USP36: variants seen among roughly 807,000 people sequenced by gnomAD.
USP36 encodes ubiquitin specific peptidase 36, also known as ubiquitin carboxyl-terminal hydrolase 36.
A neutral mutation model predicts 111.5 loss-of-function variants in USP36; 59 were observed. The observed-to-expected ratio is 0.53, with a 90% CI of 0.43 to 0.66. The LOEUF (loss-of-function observed/expected upper bound fraction) is 0.66, where lower values mean the gene tolerates loss of function less well. Ranked by LOEUF, USP36 falls within the 30% of genes least tolerant of loss-of-function variation. The probability of loss-of-function intolerance (pLI) is 0.00; values close to 1 mark genes in which losing one functional copy is unlikely to be tolerated. For synonymous variants in USP36, 628 were observed against 581.0 expected (o/e 1.08, Z -1.16); for missense variants, 1,488 against 1,468.0 (o/e 1.01, Z -0.22).
rs541228300 is a variant in USP36, at chr17:78,798,055, C to T, written c.*21-176G>A. The T allele has an allele frequency of 5.1e-5, 13 of 253,270 alleles. No homozygotes were observed. The South Asian group carries it at 8.9e-4, about 17-fold the overall frequency. 15.7% of individuals were successfully genotyped at this position (253,270 alleles called of 1,614,324 possible). On this transcript the variant is annotated intron_variant, in intron 20 of 20. Coordinates refer to ENST00000449938, the MANE Select transcript of USP36 (RefSeq NM_001385174.1). The surrounding 1 kb of genome is among the most constrained non-coding windows in gnomAD (Gnocchi z 5.1). Reference sequence around the variant, plus strand: ...ACATGCCAGATATACACACAACCCACATCCCACACACACCCCACACATGCC... The same window carrying T: ...ACATGCCAGATATACACACAACCCATATCCCACACACACCCCACACATGCC...
chr17:78,804,020 G>C (rs1328600264), intron 15 of USP36, 42 bp from the exon 16 acceptor site: 2 of 1,441,730 alleles, frequency 1.4e-6, no homozygotes, highest in African/African-American at 1.4e-5. Context: ...TGTTCTGAAA[G>C]ACCCAGCAGA....
At chr17:78,822,424 A>T (rs1599061110) in intron 6 of USP36, among the ~76,000 whole-genome samples, 1 of 137,346 alleles carries the variant, frequency 7.3e-6, no homozygotes, top group Admixed American at 7.1e-5. Context: ...CCACCCTTCC[A>T]CTTCTCTGCT....
intron 1 of USP36, among the ~76,000 whole-genome samples, chr17:78,840,136 A>G (rs1026876052): frequency 2.6e-5 from 4 of 152,078 alleles, no homozygotes; most frequent in South Asian, 2.1e-4. Flanking sequence ...CCTCTCCCCG[A>G]GCATGGCTCC....
Position 78,803,291 on chromosome 17 carries a change from C to A in USP36, c.2810+94G>T. ...TTTAGAAAACCACGCAAGCAGACTACGTTTCCAGACCATACCTACTTGGGG... is the reference window on the plus strand; with the variant it reads ...TTTAGAAAACCACGCAAGCAGACTAAGTTTCCAGACCATACCTACTTGGGG... On this transcript the variant is annotated intron_variant, in intron 16 of 20. Transcript: ENST00000449938. The surrounding 1 kb of genome is among the most constrained non-coding windows in gnomAD (Gnocchi z 4.6). The A allele has an allele frequency of 7.3e-7, 1 of 1,374,728 alleles. No individual in the cohort carries two copies. The highest frequency in any genetic ancestry group is 1.0e-6 in the Non-Finnish European group (1 of 999,584). The allele number at this position is 1,374,728 out of a possible 1,614,324, so 85.2% of individuals were successfully genotyped here. A position where few individuals can be genotyped will look rare whatever the true frequency, so the allele number is the denominator to read the frequency against.
downstream of USP36, among the ~76,000 whole-genome samples, chr17:78,795,009 GAAAAAAAA>G (rs78492260): frequency 2.6e-5 from 3 of 115,506 alleles, no homozygotes; most frequent in Non-Finnish European, 3.7e-5. The surrounding 1 kb of genome is among the most constrained non-coding windows in gnomAD (Gnocchi z 4.5). Flanking sequence ...CTCTGTTCGG[GAAAAAAAA>G]AAAAAAAAAA....
downstream of USP36, among the ~76,000 whole-genome samples, chr17:78,791,152 T>A (rs1239933233): frequency 7.0e-6 from 1 of 143,668 alleles, no homozygotes; most frequent in Non-Finnish European, 1.5e-5. Context: ...TTTTTTTTTT[T>A]AGCTGGAGTT....
At chr17:78,831,447 T>C (rs1404329908) in intron 4 of USP36, among the ~76,000 whole-genome samples, 3 of 151,442 alleles carry the variant, frequency 2.0e-5, no homozygotes, top group Non-Finnish European at 4.4e-5. Context: ...CCCCCATCTC[T>C]ACTAAAAATA....
At chr17:78,817,431 C>G (rs1236673451) in intron 10 of USP36, among the ~76,000 whole-genome samples, 1 of 152,184 alleles carries the variant, frequency 6.6e-6, no homozygotes, top group Non-Finnish European at 1.5e-5. Context: ...CATAACCAGG[C>G]TCTCAGAACA....
At chr17:78,835,099 A>G (rs1250981218) in intron 4 of USP36, among the ~76,000 whole-genome samples, 181 bp downstream of exon 4, 5 of 151,872 alleles carry the variant, frequency 3.3e-5, no homozygotes, top group African/African-American at 1.2e-4. Context: ...CACCTGACCG[A>G]TTCACCTTCA....
intron 4 of USP36, among the ~76,000 whole-genome samples, chr17:78,834,528 C>T (rs533722897): frequency 3.0e-4 from 45 of 152,162 alleles, no homozygotes; most frequent in East Asian, 3.9e-4. Flanking sequence ...CTCACTGCAA[C>T]CTCCACCTTC....
At chr17:78,801,062 C>T (rs555964784) in intron 17 of USP36, among the ~76,000 whole-genome samples, 13 of 151,568 alleles carry the variant, frequency 8.6e-5, no homozygotes, top group Admixed American at 2.0e-4. Flanking sequence ...CTGCAAGCTC[C>T]GCCTCCTGGG....
chr17:78,811,670 C>T (rs2094059710), intron 13 of USP36, among the ~76,000 whole-genome samples: 1 of 151,780 alleles, frequency 6.6e-6, no homozygotes, highest in African/African-American at 2.4e-5. Flanking sequence ...CAGATAGAGA[C>T]CATCCTGGCT....
chr17:78,824,167 G>C (rs1051608891), intron 6 of USP36, among the ~76,000 whole-genome samples: 1 of 152,220 alleles, frequency 6.6e-6, no homozygotes, highest in African/African-American at 2.4e-5. Flanking sequence ...CACCAGAGGT[G>C]CCAACTGGAG....
In USP36 at chr17:78,796,444, ACTGCTGCTG is replaced by A. The variant is rs2144869168; in HGVS notation, c.*1447_*1455del. 1 of 152,316 alleles carries A rather than the reference ACTGCTGCTG, an allele frequency of 6.6e-6. No individual in the cohort carries two copies. The highest frequency in any genetic ancestry group is 1.9e-4 in the East Asian group (1 of 5,186). 9.4% of individuals were successfully genotyped at this position (152,316 alleles called of 1,614,324 possible). On this transcript the variant is annotated 3_prime_UTR_variant, in exon 21 of 21. Coordinates refer to ENST00000449938, the MANE Select transcript of USP36 (RefSeq NM_001385174.1). ...GAGGGCACCCTGAGCAGCTCCACTCACTGCTGCTGGGACACAGGTGGCCACAGGAGCTTG... is the reference window on the plus strand; with the variant it reads ...GAGGGCACCCTGAGCAGCTCCACTCAGGACACAGGTGGCCACAGGAGCTTG...
chr17:78,809,163 C>T (rs575511676), intron 13 of USP36, among the ~76,000 whole-genome samples: 2 of 152,286 alleles, frequency 1.3e-5, no homozygotes, highest in African/African-American at 4.8e-5. Context: ...CAATATTTTA[C>T]AAGGTTTTAT....
At chr17:78,839,064 T>G (rs955045797) in intron 1 of USP36, among the ~76,000 whole-genome samples, 7 of 152,122 alleles carry the variant, frequency 4.6e-5, no homozygotes, top group African/African-American at 1.7e-4. Context: ...TCCCCAAGTT[T>G]TGGATTTAAT....
At chr17:78,792,261 G>A (rs1368340988), downstream of USP36, among the ~76,000 whole-genome samples, 1 of 152,156 alleles carries the variant, frequency 6.6e-6, no homozygotes, top group Non-Finnish European at 1.5e-5. Context: ...GCCTGAACAT[G>A]TTCCTAAGGG....
chr17:78,797,236 G>A lies in USP36; in HGVS notation c.*664C>T, dbSNP rs978601015. 1.3e-5 allele frequency: 2 copies of A among 152,206 alleles called. No homozygotes were observed. The highest frequency in any genetic ancestry group is 3.2e-3 in the Middle Eastern group (1 of 316). 9.4% of individuals were successfully genotyped at this position (152,206 alleles called of 1,614,324 possible). A position where few individuals can be genotyped will look rare whatever the true frequency, so the allele number is the denominator to read the frequency against. On this transcript the variant is annotated 3_prime_UTR_variant, in exon 21 of 21. Transcript: ENST00000449938. ...GAAAGCAGATGTATTCGCAGGTATC[G>A]AGGGCTCCTCCGACCCCAAATAGCC...
In USP36 at chr17:78,787,853, A is replaced by C. The variant is rs2093548541; in HGVS notation, c.*21-195T>G. The stretch of plus-strand genomic sequence containing the variant: ...CATGAGATCATTAGGGTGGGACCTA[A>C]TCAAACAGGACTTGTGTCCTTACAA... On this transcript the variant is annotated intron_variant, in intron 3 of 3. Transcript: ENST00000588130. Among the ~76,000 whole-genome samples, 3 of 152,346 alleles carry C rather than the reference A, an allele frequency of 2.0e-5. No homozygotes were observed. In the South Asian group the frequency reaches 6.2e-4, roughly 32 times the overall value.
Sources: gnomAD v4.1 joint callset for allele counts (sites outside exome capture counted in the v4.1 genomes callset) on GRCh38, gnomAD v4.1.1 for gene constraint, Gnocchi (gnomAD v3.1) non-coding constraint, MANE v1.5 for transcripts, NCBI Gene and HGNC (gene_info 2026-07-23, HGNC 2026-07-21) for gene names.